The following GNB4 variants were observed in gnomAD, a reference collection of about 807,000 sequenced individuals.
GNB4 encodes the protein guanine nucleotide-binding protein subunit beta-4.
A neutral mutation model predicts 45.2 loss-of-function variants in GNB4; 28 were observed. The observed-to-expected ratio is 0.62, with a 90% CI of 0.46 to 0.85. GNB4 has a LOEUF of 0.85. Among genes scored for constraint, GNB4 ranks in the 40% least tolerant of loss-of-function variants. GNB4 has a pLI of 0.00. For synonymous variants in GNB4, 132 were observed against 143.7 expected (o/e 0.92, Z 0.58); for missense variants, 321 against 425.4 (o/e 0.75, Z 2.16).
intron 1 of GNB4, among the ~76,000 whole-genome samples, chr3:179,431,473 C>T (rs1715306783): frequency 6.6e-6 from 1 of 150,642 alleles, no homozygotes; most frequent in Non-Finnish European, 1.5e-5. Context: ...GCAGGAGAAT[C>T]GCTTGAACCC....
intron 2 of GNB4, 29 bp from the exon 3 acceptor site, chr3:179,420,956 A>AT: frequency 7.3e-7 from 1 of 1,372,692 alleles, no homozygotes; most frequent in Non-Finnish European, 1.0e-6. Flanking sequence ...ATTATAATGC[A>AT]TTTAGCAACC....
chr3:179,399,611 T>C lies in GNB4; in HGVS notation c.*1602A>G, dbSNP rs1714224667. ...TAATTTGCCTTTATCCACTTTATTA[T>C]TCTAATTGTCAACTGATTTTAATAA... On this transcript the variant is annotated 3_prime_UTR_variant, in exon 10 of 10. Coordinates refer to ENST00000232564, the MANE Select transcript of GNB4 (RefSeq NM_021629.4). 6.6e-6 allele frequency: 1 copy of C among 152,234 alleles called. No homozygotes were observed. The highest frequency in any genetic ancestry group is 1.5e-5 in the Non-Finnish European group (1 of 68,044). 9.4% of individuals were successfully genotyped at this position (152,234 alleles called of 1,614,324 possible).
At chr3:179,446,797 C>T (rs1485971995) in intron 1 of GNB4, among the ~76,000 whole-genome samples, 2 of 152,194 alleles carry the variant, frequency 1.3e-5, no homozygotes, top group East Asian at 1.9e-4. Context: ...GTAGCACTAA[C>T]GCTGTAAGAT....
chr3:179,510,495 C>T, the GNB4 span, among the ~76,000 whole-genome samples: 2 of 152,106 alleles, frequency 1.3e-5, no homozygotes, highest in Admixed American at 1.3e-4. Context: ...CATAGAAGAA[C>T]TTTGCCAAAG....
chr3:179,488,582 T>C, the GNB4 span, among the ~76,000 whole-genome samples: 1 of 152,140 alleles, frequency 6.6e-6, no homozygotes, highest in Non-Finnish European at 1.5e-5. Context: ...GATTTTGAAG[T>C]TGACAATAGG....
At chr3:179,520,432 G>A in the GNB4 span, among the ~76,000 whole-genome samples, 1 of 151,752 alleles carries the variant, frequency 6.6e-6, no homozygotes. Context: ...ACAAGAGCTG[G>A]GACCGTGCCC....
At chr3:179,451,604 C>G (rs1180853881), upstream of GNB4, 1 of 150,860 alleles carries the variant, frequency 6.6e-6, no homozygotes, top group Non-Finnish European at 1.5e-5. Context: ...CGCAGACCCT[C>G]GGAGCGCGCG....
chr3:179,418,696 A>G (rs868385512), intron 4 of GNB4, among the ~76,000 whole-genome samples: 11 of 152,188 alleles, frequency 7.2e-5, no homozygotes, highest in East Asian at 1.9e-4. Flanking sequence ...AAAACATAGA[A>G]GTTTCTTGGT....
At chr3:179,463,761 G>A in the GNB4 span, among the ~76,000 whole-genome samples, 1 of 152,144 alleles carries the variant, frequency 6.6e-6, no homozygotes, top group Non-Finnish European at 1.5e-5. Context: ...GGAGAATCAG[G>A]CAGCCCTTCC....
At chr3:179,475,194 T>C in the GNB4 span, among the ~76,000 whole-genome samples, 1 of 152,108 alleles carries the variant, frequency 6.6e-6, no homozygotes, top group Non-Finnish European at 1.5e-5. Context: ...CTCAGCTCGC[T>C]GCAACCTCCA....
At chr3:179,442,822 T>A (rs770627492) in intron 1 of GNB4, among the ~76,000 whole-genome samples, 1 of 151,594 alleles carries the variant, frequency 6.6e-6, no homozygotes, top group African/African-American at 2.4e-5. Flanking sequence ...AGAGGTGGGG[T>A]CCTTACTATG....
the GNB4 span, among the ~76,000 whole-genome samples, chr3:179,502,515 G>T: frequency 9.9e-5 from 15 of 152,082 alleles, no homozygotes; most frequent in Admixed American, 9.2e-4. Flanking sequence ...TTACAGGCAT[G>T]AGTCACTGCG....
At position 179,402,848 on chromosome 3, in the gene GNB4, C is replaced by A. The variant is rs115840932; in HGVS notation, c.917-1529G>T. Among the ~76,000 whole-genome samples the A allele has an allele frequency of 6.6e-3, 1,000 of 152,312 alleles. 12 individuals are homozygous for A. Among genetic ancestry groups the A allele is most frequent in the African/African-American group, 0.023 (949 of 41,548 alleles). ...ATCAGTAAGAGCCCCCAGGTGTCCC[C>A]TTCCTCCACTCTGCAGTCAGGTGAC... On this transcript the variant is annotated intron_variant, in intron 9 of 9. Transcript: ENST00000232564.
At chr3:179,471,104 A>G in the GNB4 span, among the ~76,000 whole-genome samples, 4 of 151,246 alleles carry the variant, frequency 2.6e-5, no homozygotes, top group Admixed American at 1.3e-4. Flanking sequence ...GAGTGAACCC[A>G]GGAGGCGGAG....
the GNB4 span, among the ~76,000 whole-genome samples, chr3:179,477,964 T>C: frequency 6.6e-5 from 10 of 152,210 alleles, no homozygotes; most frequent in Non-Finnish European, 8.8e-5. Flanking sequence ...TGTGTTGCTG[T>C]AACAGAATAC....
At chr3:179,497,841 A>G in the GNB4 span, among the ~76,000 whole-genome samples, 3 of 152,220 alleles carry the variant, frequency 2.0e-5, no homozygotes, top group African/African-American at 2.4e-5. Context: ...CAAAACCACA[A>G]TAAGATATCA....
chr3:179,508,956 A>ATATATATATATATATATATATATATATG, the GNB4 span, among the ~76,000 whole-genome samples: 8 of 145,366 alleles, frequency 5.5e-5, no homozygotes, highest in African/African-American at 2.0e-4. Context: ...ATATATATAT[A>ATATATATATATATATATATATATATATG]GTCCCTGTAA....
In GNB4 at chr3:179,413,625, A is replaced by G; in HGVS notation, c.498-12T>C. On this transcript the variant is annotated splice_polypyrimidine_tract_variant and intron_variant, in intron 7 of 9. Transcript: ENST00000232564. ...TGTCCCATAAAGCACTGTAATTAAA[A>G]ACAAAATTTCATGACAATTACTTCT... The G allele has an allele frequency of 1.2e-6, 2 of 1,613,992 alleles. No homozygotes were observed.
chr3:179,465,762 A>T, the GNB4 span, among the ~76,000 whole-genome samples: 6 of 151,090 alleles, frequency 4.0e-5, no homozygotes, highest in African/African-American at 1.5e-4. Context: ...ATATTCAGTA[A>T]CACTTACTTC....
Sources: gnomAD v4.1 joint callset for allele counts (sites outside exome capture counted in the v4.1 genomes callset) on GRCh38, gnomAD v4.1.1 for gene constraint, MANE v1.5 for transcripts, NCBI Gene and HGNC (gene_info 2026-07-23, HGNC 2026-07-21) for gene names.